Variants in CTDSPL2 observed in about 807,000 individuals in gnomAD.
CTDSPL2 encodes CTD small phosphatase like 2, also known as CTD small phosphatase-like protein 2.
In CTDSPL2, 5 loss-of-function variants were observed where a neutral mutation model predicts 60.0. The ratio of observed to expected loss-of-function variants is 0.08; its 90% confidence interval spans 0.04 to 0.18. The LOEUF (loss-of-function observed/expected upper bound fraction) is 0.18, where lower values mean the gene tolerates loss of function less well. Among genes scored for constraint, CTDSPL2 ranks in the 10% least tolerant of loss-of-function variants. CTDSPL2 has a pLI of 1.00. For synonymous variants in CTDSPL2, 186 were observed against 189.3 expected, an observed-to-expected ratio of 0.98 and a Z score of 0.14; for missense variants, 370 against 548.8, an observed-to-expected ratio of 0.67 and a Z score of 3.26.
chr15:44,430,761 A>G (rs192819621), intron 1 of CTDSPL2, among the ~76,000 whole-genome samples: 9 of 152,266 alleles, frequency 5.9e-5, no homozygotes, highest in African/African-American at 2.2e-4. Flanking sequence ...TCTGGTTAAA[A>G]GTAAGCTAAA....
intron 2 of CTDSPL2, among the ~76,000 whole-genome samples, chr15:44,461,429 C>T (rs191746311): frequency 6.6e-6 from 1 of 152,192 alleles, no homozygotes; most frequent in African/African-American, 2.4e-5. Flanking sequence ...TACTCTATTG[C>T]CCAGGCTGGA....
At chr15:44,437,928 G>A (rs2141270165) in intron 1 of CTDSPL2, among the ~76,000 whole-genome samples, 1 of 152,316 alleles carries the variant, frequency 6.6e-6, no homozygotes, top group East Asian at 1.9e-4. Context: ...AGCATGTATA[G>A]AGCACAGTGT....
intron 4 of CTDSPL2, among the ~76,000 whole-genome samples, chr15:44,489,390 A>C (rs1389761391): frequency 6.6e-6 from 1 of 152,132 alleles, no homozygotes; most frequent in African/African-American, 2.4e-5. Flanking sequence ...GTCTAACTAG[A>C]TGAGGAGGGT....
intron 1 of CTDSPL2, among the ~76,000 whole-genome samples, chr15:44,452,124 T>A (rs892205690): frequency 1.3e-5 from 2 of 152,198 alleles, no homozygotes; most frequent in African/African-American, 4.8e-5. Flanking sequence ...ACATTTATAT[T>A]GAAATATTGA....
At chr15:44,521,987 A>T (rs2140874762) in intron 12 of CTDSPL2, among the ~76,000 whole-genome samples, 1 of 151,020 alleles carries the variant, frequency 6.6e-6, no homozygotes, top group East Asian at 1.9e-4. Context: ...ATGATGATAA[A>T]GTCATCTGTC....
At chr15:44,465,163 A>T (rs1234543591) in intron 2 of CTDSPL2, among the ~76,000 whole-genome samples, 1 of 152,184 alleles carries the variant, frequency 6.6e-6, no homozygotes, top group East Asian at 1.9e-4. Context: ...TGATTCAAAG[A>T]CTTCAGATTT....
chr15:44,479,778 C>T (rs183758282), intron 2 of CTDSPL2, among the ~76,000 whole-genome samples: 4 of 152,170 alleles, frequency 2.6e-5, no homozygotes, highest in Non-Finnish European at 5.9e-5. Context: ...CTTTTTCTGA[C>T]ACGTGTTCTT....
At chr15:44,476,807 A>G (rs1388848468) in intron 2 of CTDSPL2, among the ~76,000 whole-genome samples, 6 of 152,218 alleles carry the variant, frequency 3.9e-5, no homozygotes, top group Admixed American at 3.3e-4. Context: ...CCCAGTTGTT[A>G]TGTGATGCAT....
rs1333863167 is a variant in CTDSPL2 at position 44,496,365 on chromosome 15, C to T, written c.692-15C>T. The stretch of plus-strand genomic sequence containing the variant: ...TAAGTAAAAGCAACATTTTTTCTTT[C>T]ACTATGTTAAATAGCACCAGTAACT... On this transcript the variant is annotated splice_polypyrimidine_tract_variant and intron_variant, in intron 5 of 12. Transcript: ENST00000260327. The T allele has an allele frequency of 1.9e-6, 3 of 1,581,186 alleles. No individual in the cohort carries two copies. The highest frequency in any genetic ancestry group is 1.8e-5 in the Admixed American group (1 of 56,692).
At chr15:44,461,548 C>A (rs2080569955) in intron 2 of CTDSPL2, among the ~76,000 whole-genome samples, 1 of 150,788 alleles carries the variant, frequency 6.6e-6, no homozygotes, top group Non-Finnish European at 1.5e-5. Flanking sequence ...ACCACCATGC[C>A]CAGCTATTTT....
intron 2 of CTDSPL2, among the ~76,000 whole-genome samples, chr15:44,476,676 C>T (rs775776532): frequency 1.1e-4 from 16 of 151,962 alleles, no homozygotes; most frequent in Non-Finnish European, 1.5e-4. Context: ...AGTAGTTTGC[C>T]GAACAGGTGG....
At chr15:44,521,983 A>T (rs909967481) in intron 12 of CTDSPL2, among the ~76,000 whole-genome samples, 1 of 142,838 alleles carries the variant, frequency 7.0e-6, no homozygotes, top group African/African-American at 2.5e-5. Context: ...GATGATGATG[A>T]TAAAGTCATC....
chr15:44,471,793 G>A (rs185801194), intron 2 of CTDSPL2, among the ~76,000 whole-genome samples: 18 of 152,002 alleles, frequency 1.2e-4, no homozygotes, highest in Admixed American at 1.1e-3. Context: ...CTAGCCCTAA[G>A]CAGTCACTAA....
intron 1 of CTDSPL2, among the ~76,000 whole-genome samples, chr15:44,445,608 A>G (rs902092715): frequency 6.6e-6 from 1 of 151,238 alleles, no homozygotes; most frequent in African/African-American, 2.4e-5. Flanking sequence ...TTTTGAGCTC[A>G]TACCAGCCAA....
chr15:44,485,824 A>C (rs1017585507), intron 3 of CTDSPL2, among the ~76,000 whole-genome samples: 1 of 152,210 alleles, frequency 6.6e-6, no homozygotes, highest in Non-Finnish European at 1.5e-5. Context: ...AAAAAGACTG[A>C]GACAAGACAA....
chr15:44,524,073 T>G (rs2081834815), intron 12 of CTDSPL2, 36 bp from the exon 13 acceptor site: 4 of 1,535,476 alleles, frequency 2.6e-6, no homozygotes, highest in Non-Finnish European at 2.7e-6. Flanking sequence ...CTTTGAAATT[T>G]TATGCCTTTT....
At chr15:44,457,846 A>G (rs1282856860) in intron 1 of CTDSPL2, among the ~76,000 whole-genome samples, 1 of 152,218 alleles carries the variant, frequency 6.6e-6, no homozygotes, top group Non-Finnish European at 1.5e-5. Context: ...TCCTGACTTC[A>G]GGTGAGCCAC....
At chr15:44,473,264 T>C (rs921196507) in intron 2 of CTDSPL2, among the ~76,000 whole-genome samples, 6 of 152,214 alleles carry the variant, frequency 3.9e-5, no homozygotes, top group Admixed American at 2.0e-4. Context: ...CAAGAAACTA[T>C]TGGCAAAATC....
rs765303333 is a variant in CTDSPL2, at chr15:44,486,737, T to TA, written c.475+37_475+38insA. ...CTGTTAACTGTGATTTGGATTTTTT[T>TA]TAAAAAAATGCATAGTTTGGGTTTT... On this transcript the variant is annotated intron_variant, in intron 4 of 12. Transcript: ENST00000260327. 215 of 1,351,950 alleles carry TA rather than the reference T, an allele frequency of 1.6e-4. 5 individuals are homozygous for TA. In the South Asian group the frequency reaches 2.0e-3, roughly 13 times the overall value. 83.7% of individuals were successfully genotyped at this position (1,351,950 alleles called of 1,614,324 possible).
Sources: gnomAD v4.1 joint callset for allele counts (sites outside exome capture counted in the v4.1 genomes callset) on GRCh38, gnomAD v4.1.1 for gene constraint, MANE v1.5 for transcripts, NCBI Gene and HGNC (gene_info 2026-07-23, HGNC 2026-07-21) for gene names.